Variants in NELL1 observed in about 807,000 individuals in gnomAD.
NELL1 encodes the protein protein kinase C-binding protein NELL1.
A neutral mutation model predicts 107.4 loss-of-function variants in NELL1; 76 were observed. The ratio of observed to expected loss-of-function variants is 0.71; its 90% CI spans 0.59 to 0.86. NELL1 has a LOEUF of 0.86. Ranked by LOEUF, NELL1 falls within the 40% of genes least tolerant of loss-of-function variation. The pLI is 0.00. For missense variants in NELL1, 1,024 were observed against 1,005.5 expected (o/e 1.02, Z -0.25); for synonymous variants, 353 against 341.2 (o/e 1.03, Z -0.38).
At chr11:21,280,731 G>A (rs1190860511) in intron 14 of NELL1, among the ~76,000 whole-genome samples, 1 of 151,772 alleles carries the variant, frequency 6.6e-6, no homozygotes, top group African/African-American at 2.4e-5. Flanking sequence ...AATGCTATGG[G>A]GCGTTAAATA....
At chr11:20,783,564 C>CT in intron 2 of NELL1, 116 bp from the exon 3 acceptor site, 2 of 665,412 alleles carry the variant, frequency 3.0e-6, no homozygotes, top group Non-Finnish European at 4.8e-6. Context: ...AACCATGGAT[C>CT]TTTTTTCCTC....
At chr11:21,350,038 C>A (rs1048775676) in intron 14 of NELL1, among the ~76,000 whole-genome samples, 1 of 152,096 alleles carries the variant, frequency 6.6e-6, no homozygotes, top group African/African-American at 2.4e-5. Context: ...GATAGGACAC[C>A]TCAGCAGTCA....
chr11:20,972,678 G>C (rs533542283), intron 12 of NELL1, among the ~76,000 whole-genome samples: 30 of 152,270 alleles, frequency 2.0e-4, no homozygotes, highest in East Asian at 1.2e-3. Flanking sequence ...AGCGCAGAGA[G>C]AAAAAGAATT....
Position 21,565,289 on chromosome 11 carries a change from G to A in NELL1, c.1980+4907G>A, listed in dbSNP as rs184218582. The stretch of plus-strand genomic sequence containing the variant: ...TAGGGGTCCTGTAAAGGAACAGGGC[G>A]TCTCTTTCTATTTCCCTGACTCTTT... On this transcript the variant is annotated intron_variant, in intron 17 of 19. Transcript: ENST00000357134. Among the ~76,000 whole-genome samples the A allele has an allele frequency of 5.3e-4, 80 of 151,972 alleles. 1 individual carries two copies. The highest frequency in any genetic ancestry group is 9.3e-4 in the Non-Finnish European group (63 of 67,912).
At chr11:20,730,412 G>A (rs1000193930) in intron 2 of NELL1, among the ~76,000 whole-genome samples, 1 of 152,128 alleles carries the variant, frequency 6.6e-6, no homozygotes, top group African/African-American at 2.4e-5. Flanking sequence ...TCCCAAAGAT[G>A]TGTGCAGTCT....
intron 12 of NELL1, among the ~76,000 whole-genome samples, chr11:21,079,139 G>A (rs570359441): frequency 2.6e-5 from 4 of 151,710 alleles, no homozygotes; most frequent in African/African-American, 9.7e-5. Context: ...GAATTCAAGG[G>A]AAAAAACCTT....
intron 16 of NELL1, among the ~76,000 whole-genome samples, chr11:21,550,299 A>C (rs1249068031): frequency 6.6e-6 from 1 of 151,728 alleles, no homozygotes; most frequent in Non-Finnish European, 1.5e-5. Flanking sequence ...TTGCCTGTTC[A>C]CTCTGATGGT....
intron 3 of NELL1, among the ~76,000 whole-genome samples, chr11:20,801,439 T>C (rs1352400951): frequency 6.6e-6 from 1 of 152,162 alleles, no homozygotes; most frequent in Non-Finnish European, 1.5e-5. Context: ...TTTTTCCCCA[T>C]AGAGTTGTTT....
At chr11:21,089,293 G>A (rs762531931) in intron 12 of NELL1, among the ~76,000 whole-genome samples, 7 of 152,192 alleles carry the variant, frequency 4.6e-5, no homozygotes, top group Admixed American at 1.3e-4. Context: ...TCTCCAAGGT[G>A]AGTGAAAAGC....
intron 14 of NELL1, among the ~76,000 whole-genome samples, chr11:21,350,719 A>G (rs188673507): frequency 2.6e-5 from 4 of 152,328 alleles, no homozygotes; most frequent in Admixed American, 2.6e-4. Context: ...GAGAGTTGAA[A>G]GACACCATCT....
At chr11:21,317,962 A>G (rs1199490515) in intron 14 of NELL1, among the ~76,000 whole-genome samples, 1 of 152,144 alleles carries the variant, frequency 6.6e-6, no homozygotes, top group African/African-American at 2.4e-5. Flanking sequence ...TGTTGCTTGA[A>G]TTCTAAAATA....
intron 15 of NELL1, among the ~76,000 whole-genome samples, chr11:21,484,068 T>A (rs1048783526): frequency 7.0e-6 from 1 of 142,424 alleles, no homozygotes; most frequent in African/African-American, 2.6e-5. Context: ...ATATCCTAAG[T>A]ATTTAGCCAG....
At chr11:20,975,829 ATG>A (rs1274333627) in intron 12 of NELL1, among the ~76,000 whole-genome samples, 2 of 121,824 alleles carry the variant, frequency 1.6e-5, no homozygotes, top group Non-Finnish European at 3.3e-5. Flanking sequence ...TGTATTATAT[ATG>A]TACATATGTG....
At chr11:20,707,005 A>G (rs533524765) in intron 2 of NELL1, among the ~76,000 whole-genome samples, 21 of 152,288 alleles carry the variant, frequency 1.4e-4, no homozygotes, top group East Asian at 7.7e-4. Flanking sequence ...AGGTACACCA[A>G]TCAGATGTAG....
At chr11:21,495,966 G>T (rs575257869) in intron 15 of NELL1, among the ~76,000 whole-genome samples, 1 of 151,732 alleles carries the variant, frequency 6.6e-6, no homozygotes, top group South Asian at 2.1e-4. Context: ...GTACCAAGTG[G>T]GTCCACTTTA....
At chr11:21,133,871 G>T (rs774491317) in intron 13 of NELL1, among the ~76,000 whole-genome samples, 2 of 152,162 alleles carry the variant, frequency 1.3e-5, no homozygotes, top group Non-Finnish European at 2.9e-5. Flanking sequence ...GCACCTGGAG[G>T]GTGGGGCTCC....
At chr11:21,102,041 CG>C (rs1024665799) in intron 12 of NELL1, among the ~76,000 whole-genome samples, 42 of 152,100 alleles carry the variant, frequency 2.8e-4, no homozygotes, top group Admixed American at 5.2e-4. Context: ...TTAGTAGAAA[CG>C]GGGTTTCACC....
In NELL1 at chr11:20,937,706, C is replaced by G. The variant is rs1043128755; in HGVS notation, c.998-80C>G. 7.5e-6 allele frequency: 7 copies of G among 937,714 alleles called. No individual in the cohort carries two copies. The African/African-American group carries it at 1.1e-4, about 15-fold the overall frequency. The allele number at this position is 937,714 out of a possible 1,614,324, so 58.1% of individuals were successfully genotyped here. A position where few individuals can be genotyped will look rare whatever the true frequency, so the allele number is the denominator to read the frequency against. On this transcript the variant is annotated intron_variant, in intron 9 of 19. Transcript: ENST00000357134. ...CAGAGAATCTAGGTTTCTGTGGAAT[C>G]TATTGGAGTTAGAAGGTACCTCTGA...
chr11:20,841,211 C>A (rs1009612021), intron 3 of NELL1, among the ~76,000 whole-genome samples: 1 of 152,114 alleles, frequency 6.6e-6, no homozygotes, highest in African/African-American at 2.4e-5. Flanking sequence ...GTGCCACCAC[C>A]CAATAAGGCC....
Sources: gnomAD v4.1 joint callset for allele counts (sites outside exome capture counted in the v4.1 genomes callset) on GRCh38, gnomAD v4.1.1 for gene constraint, MANE v1.5 for transcripts, NCBI Gene and HGNC (gene_info 2026-07-23, HGNC 2026-07-21) for gene names.